The following ADGRE2 variants were observed in gnomAD, a reference collection of about 807,000 sequenced individuals.
ADGRE2 encodes the protein CD97 antigen.
In ADGRE2, 83 loss-of-function variants were observed where a neutral mutation model predicts 100.8. That is an observed-to-expected ratio of 0.82 (90% CI 0.69 to 0.99). The LOEUF is 0.99. Among genes scored for constraint, ADGRE2 ranks in the 50% least tolerant of loss-of-function variants. The probability of loss-of-function intolerance (pLI) is 0.00; values close to 1 mark genes in which losing one functional copy is unlikely to be tolerated. For missense variants in ADGRE2, 814 were observed against 1,035.7 expected, an observed-to-expected ratio of 0.79 and a Z score of 2.94; for synonymous variants, 355 against 413.0, an observed-to-expected ratio of 0.86 and a Z score of 1.70.
At chr19:14,758,925 C>A (rs1252265316) in intron 11 of ADGRE2, among the ~76,000 whole-genome samples, 1 of 151,134 alleles carries the variant, frequency 6.6e-6, no homozygotes, top group Non-Finnish European at 1.5e-5. Context: ...CCCTCTCCTG[C>A]AGAGAGACAG....
At chr19:14,751,932 T>TATATATATA (rs1491431762) in intron 15 of ADGRE2, among the ~76,000 whole-genome samples, 5 of 51,096 alleles carry the variant, frequency 9.8e-5, no homozygotes, top group African/African-American at 5.1e-4. Flanking sequence ...TATATATATA[T>TATATATATA]TTTTTTTTTT....
chr19:14,764,658 C>A, intron 10 of ADGRE2, 48 bp from the exon 11 acceptor site: 1 of 1,546,822 alleles, frequency 6.5e-7, no homozygotes, highest in Non-Finnish European at 8.8e-7. Context: ...CCAGAGGGCC[C>A]GCATGAAGAC....
At chr19:14,753,390 A>C (rs1329737435) in intron 14 of ADGRE2, among the ~76,000 whole-genome samples, 1 of 151,872 alleles carries the variant, frequency 6.6e-6, no homozygotes, top group Admixed American at 6.6e-5. Context: ...GCTGCCTGGG[A>C]GGATATTGAT....
chr19:14,769,613 T>C (rs2044120480), intron 5 of ADGRE2, among the ~76,000 whole-genome samples: 1 of 152,236 alleles, frequency 6.6e-6, no homozygotes, highest in African/African-American at 2.4e-5. Flanking sequence ...ACTTCATTCC[T>C]GCTCATCTGT....
chr19:14,752,125 G>T (rs1487091484), intron 15 of ADGRE2, among the ~76,000 whole-genome samples: 1 of 151,744 alleles, frequency 6.6e-6, no homozygotes, highest in Non-Finnish European at 1.5e-5. Context: ...TAGAGACGGG[G>T]TTTCTCCATG....
At chr19:14,752,853 CCT>C (rs2043344918) in intron 14 of ADGRE2, among the ~76,000 whole-genome samples, 1 of 151,802 alleles carries the variant, frequency 6.6e-6, no homozygotes, top group Admixed American at 6.6e-5. Context: ...CTCACTGCAG[CCT>C]CTGTCTCCTC....
At position 14,743,685 on chromosome 19, in the gene ADGRE2, G is replaced by A. The variant is rs2042997234; in HGVS notation, c.2283C>T (p.Tyr761=). 6.2e-7 allele frequency: 1 copy of A among 1,614,172 alleles called. No homozygotes were observed. Among genetic ancestry groups the A allele is most frequent in the Non-Finnish European group, 8.5e-7 (1 of 1,180,022 alleles). ...GCAGGCTGTTGATGATGGTGAAGAG[G>A]TAGGCCATGACCCGGGCAGCCGGAC... is the stretch of plus-strand genomic sequence containing the variant. ...QVGPAARVMA[Y]LFTIINSLQG... Residue 761 remains tyrosine, a synonymous_variant, in exon 19 of 21, where the codon TAC becomes TAT. Transcript: ENST00000315576.
intron 6 of ADGRE2, 55 bp from the exon 7 acceptor site, chr19:14,766,436 T>A (rs2043980916): frequency 6.6e-7 from 1 of 1,511,832 alleles, no homozygotes; most frequent in Non-Finnish European, 8.9e-7. Context: ...GGGCCTGCCC[T>A]CCACTCACTG....
Position 14,772,415 on chromosome 19 carries a change from G to A in ADGRE2, c.282C>T (p.Cys94=), listed in dbSNP as rs760956513. ...CAGGCTCATATCCTGGGCTGCACAC[G>A]CAGTCGTAGCTCCCCTCTGTGTTCC... ...DCWNTEGSYD[C]VCSPGYEPVS... Residue 94 remains cysteine (C), a synonymous_variant, in exon 5 of 21, where the codon TGC becomes TGT. Coordinates refer to ENST00000315576, the MANE Select transcript of ADGRE2 (RefSeq NM_013447.4). The A allele has an allele frequency of 3.0e-5, 48 of 1,614,026 alleles. No homozygotes were observed. In the East Asian group the frequency reaches 4.5e-4, roughly 15 times the overall value.
chr19:14,743,508 C>T lies in ADGRE2; in HGVS notation c.2375G>A (p.Trp792Ter), dbSNP rs761872578. The T allele has an allele frequency of 2.5e-6, 4 of 1,614,138 alleles. No individual in the cohort carries two copies. The highest frequency in any genetic ancestry group is 1.1e-5 in the South Asian group (1 of 91,082). ...SQQVREQYGK[W>*]SKGIRKLKTE... ...TTTCAATTTCCTGATCCCTTTGGACCATTTCCCATATTGCTCCCGGACCTG... is the reference window on the plus strand; with the variant it reads ...TTTCAATTTCCTGATCCCTTTGGACTATTTCCCATATTGCTCCCGGACCTG... Residue 792 changes from tryptophan to a stop codon, truncating the protein, a stop_gained, in exon 20 of 21, where the codon TGG becomes TAG. Coordinates refer to ENST00000315576, the MANE Select transcript of ADGRE2 (RefSeq NM_013447.4). LOFTEE classifies it high-confidence loss of function.
chr19:14,751,714 G>A (rs1462691790), intron 15 of ADGRE2, 43 bp from the exon 16 acceptor site: 1 of 1,455,544 alleles, frequency 6.9e-7, no homozygotes, highest in Non-Finnish European at 9.6e-7. Flanking sequence ...GATCAGATTT[G>A]AGTGTGGCCC....
At chr19:14,757,778 T>C (rs1056639468) in intron 11 of ADGRE2, among the ~76,000 whole-genome samples, 2 of 152,168 alleles carry the variant, frequency 1.3e-5, no homozygotes, top group African/African-American at 4.8e-5. Context: ...TAAATCTTCC[T>C]GGTCTTGGAT....
intron 10 of ADGRE2, 89 bp downstream of exon 10, chr19:14,765,231 T>C (rs2043910410): frequency 1.9e-5 from 27 of 1,401,734 alleles, no homozygotes; most frequent in Non-Finnish European, 2.7e-5. Flanking sequence ...CATTGGGTCC[T>C]GTCCCCTCCC....
chr19:14,759,503 A>ATATATATTTTT (rs60789454), intron 11 of ADGRE2, among the ~76,000 whole-genome samples: 33 of 133,370 alleles, frequency 2.5e-4, no homozygotes, highest in African/African-American at 8.9e-4. Flanking sequence ...ATATATATAT[A>ATATATATTTTT]TTTTTTTTTT....
chr19:14,756,374 G>A (rs2524386), intron 11 of ADGRE2, 29 bp from the exon 12 acceptor site: 1,095,681 of 1,511,912 alleles, frequency 0.72, 399,897 homozygotes, highest in African/African-American at 0.84. Flanking sequence ...ACATAAGGGG[G>A]GTTAGGTTAG....
chr19:14,749,152 G>T (rs930990319), intron 16 of ADGRE2, among the ~76,000 whole-genome samples: 16 of 147,720 alleles, frequency 1.1e-4, no homozygotes, highest in Non-Finnish European at 1.9e-4. Flanking sequence ...GGACTCAAAG[G>T]TAAATAATTA....
downstream of ADGRE2, among the ~76,000 whole-genome samples, chr19:14,730,998 C>G (rs1036709933): frequency 6.6e-6 from 1 of 151,954 alleles, no homozygotes. Flanking sequence ...CTTTCAAACT[C>G]CCATCCCAGA....
At chr19:14,762,007 G>C (rs2147355243) in intron 11 of ADGRE2, among the ~76,000 whole-genome samples, 1 of 152,054 alleles carries the variant, frequency 6.6e-6, no homozygotes, top group East Asian at 1.9e-4. Flanking sequence ...CTCACTCCTG[G>C]TGTGTGTCTG....
At chr19:14,765,031 T>C (rs1285468715) in intron 10 of ADGRE2, among the ~76,000 whole-genome samples, 1 of 151,896 alleles carries the variant, frequency 6.6e-6, no homozygotes, top group Non-Finnish European at 1.5e-5. Context: ...AAAATGACAT[T>C]GGATGGGATT....
Sources: gnomAD v4.1 joint callset for allele counts (sites outside exome capture counted in the v4.1 genomes callset) on GRCh38, gnomAD v4.1.1 for gene constraint, MANE v1.5 for transcripts, NCBI Gene and HGNC (gene_info 2026-07-23, HGNC 2026-07-21) for gene names.